SNTB1: variants seen among roughly 807,000 people sequenced by gnomAD.
The protein encoded by SNTB1 is syntrophin beta 1, also known as beta-1-syntrophin.
SNTB1 carries 36 observed loss-of-function variants against 48.9 expected under a neutral mutation model. That is an observed-to-expected ratio of 0.74 (90% confidence interval 0.56 to 0.97). The LOEUF is 0.97. Among genes scored for constraint, SNTB1 ranks in the 50% least tolerant of loss-of-function variants. SNTB1 has a pLI of 0.00. For missense variants in SNTB1, 786 were observed against 703.4 expected (o/e 1.12, Z -1.33); for synonymous variants, 299 against 294.6 (o/e 1.01, Z -0.15).
At chr8:120,633,714 A>G (rs1817022464) in intron 2 of SNTB1, among the ~76,000 whole-genome samples, 1 of 152,198 alleles carries the variant, frequency 6.6e-6, no homozygotes, top group African/African-American at 2.4e-5. Context: ...AGATCTGTAT[A>G]CTGTAATTGT....
chr8:120,637,492 C>T, intron 2 of SNTB1: 1 of 190,178 alleles, frequency 5.3e-6, no homozygotes. Context: ...CAAACATTAT[C>T]AGTTAGTCAA....
At chr8:120,683,279 C>T (rs1257699592) in intron 2 of SNTB1, among the ~76,000 whole-genome samples, 1 of 152,086 alleles carries the variant, frequency 6.6e-6, no homozygotes, top group Non-Finnish European at 1.5e-5. Context: ...TATACACAGC[C>T]GATTACAAGC....
At chr8:120,573,880 C>T (rs1383171102) in intron 4 of SNTB1, among the ~76,000 whole-genome samples, 4 of 152,156 alleles carry the variant, frequency 2.6e-5, no homozygotes, top group South Asian at 2.1e-4. Flanking sequence ...ATCTGTTCTA[C>T]TGGTCTCCGT....
At chr8:120,673,223 C>T (rs938756165) in intron 2 of SNTB1, among the ~76,000 whole-genome samples, 2 of 152,118 alleles carry the variant, frequency 1.3e-5, no homozygotes, top group Non-Finnish European at 2.9e-5. Flanking sequence ...CAATTCTCTG[C>T]TAAAATGCCC....
intron 5 of SNTB1, among the ~76,000 whole-genome samples, chr8:120,548,463 T>C (rs1815419799): frequency 6.6e-6 from 1 of 152,206 alleles, no homozygotes; most frequent in Admixed American, 6.5e-5. Context: ...TACTCATTCA[T>C]GCCTCAAAGT....
chr8:120,650,781 A>G (rs1817400241), intron 2 of SNTB1, among the ~76,000 whole-genome samples: 2 of 152,194 alleles, frequency 1.3e-5, no homozygotes, highest in South Asian at 4.1e-4. Context: ...ATAGAGAGTA[A>G]AGACATTCCA....
At chr8:120,547,317 T>C (rs1000674270) in intron 5 of SNTB1, among the ~76,000 whole-genome samples, 1 of 152,002 alleles carries the variant, frequency 6.6e-6, no homozygotes, top group Admixed American at 6.6e-5. Flanking sequence ...TTTTTCAGGA[T>C]GGGTGAGGTG....
chr8:120,610,590 A>C (rs571859798), intron 3 of SNTB1, among the ~76,000 whole-genome samples: 193 of 152,316 alleles, frequency 1.3e-3, no homozygotes, highest in African/African-American at 4.5e-3. Flanking sequence ...TTTATTAAAA[A>C]GCTTTAAAAC....
chr8:120,668,687 T>G (rs1817712889), intron 2 of SNTB1, among the ~76,000 whole-genome samples: 1 of 152,216 alleles, frequency 6.6e-6, no homozygotes, highest in South Asian at 2.1e-4. Flanking sequence ...GTCTGTATAT[T>G]ATCCATGCTT....
intron 1 of SNTB1, among the ~76,000 whole-genome samples, chr8:120,726,422 C>A (rs1818756421): frequency 6.6e-6 from 1 of 152,094 alleles, no homozygotes; most frequent in Non-Finnish European, 1.5e-5. Context: ...ACAAACTCAA[C>A]CCTCTGTGGA....
At chr8:120,653,514 C>T (rs118110813) in intron 2 of SNTB1, among the ~76,000 whole-genome samples, 1,994 of 152,168 alleles carry the variant, frequency 0.013, 12 homozygotes, top group Non-Finnish European at 0.02. Context: ...CAAAGCTGAG[C>T]GAGGATAAAT....
chr8:120,603,534 G>A (rs539979530), intron 3 of SNTB1, among the ~76,000 whole-genome samples: 1 of 152,186 alleles, frequency 6.6e-6, no homozygotes, highest in Non-Finnish European at 1.5e-5. Flanking sequence ...CTGGGAACTT[G>A]TTAAAAATGC....
At chr8:120,691,020 T>C (rs1162165641) in intron 2 of SNTB1, among the ~76,000 whole-genome samples, 1 of 150,214 alleles carries the variant, frequency 6.7e-6, no homozygotes, top group Non-Finnish European at 1.5e-5. Flanking sequence ...GCCCTATGTA[T>C]AATCGTCAAT....
intron 2 of SNTB1, among the ~76,000 whole-genome samples, chr8:120,674,121 T>C (rs1201417844): frequency 1.3e-5 from 2 of 152,202 alleles, no homozygotes; most frequent in Non-Finnish European, 2.9e-5. Flanking sequence ...TCTTGGGGAA[T>C]ATCCAAGGCA....
At chr8:120,653,738 T>A (rs1244191929) in intron 2 of SNTB1, among the ~76,000 whole-genome samples, 1 of 151,902 alleles carries the variant, frequency 6.6e-6, no homozygotes, top group Non-Finnish European at 1.5e-5. Flanking sequence ...CACTTTGGAG[T>A]TAAAAAGTTG....
At chr8:120,604,698 A>T (rs1331351997) in intron 3 of SNTB1, among the ~76,000 whole-genome samples, 2 of 152,072 alleles carry the variant, frequency 1.3e-5, no homozygotes, top group Admixed American at 1.3e-4. Flanking sequence ...TGATCCACCC[A>T]CCTCGGCCTC....
intron 2 of SNTB1, among the ~76,000 whole-genome samples, chr8:120,654,039 C>CAAAA (rs58873007): frequency 0.021 from 529 of 25,196 alleles, 140 homozygotes; most frequent in African/African-American, 0.037. Context: ...GACTCTGCCT[C>CAAAA]AAAAAAAAAA....
chr8:120,618,482 GTCAC>G (rs1816748730), intron 3 of SNTB1, among the ~76,000 whole-genome samples: 3 of 152,170 alleles, frequency 2.0e-5, no homozygotes, highest in African/African-American at 7.2e-5. Context: ...TGTCTGACGT[GTCAC>G]CATCATAGTC....
At chr8:120,554,412 A>G (rs1428334616) in intron 4 of SNTB1, among the ~76,000 whole-genome samples, 1 of 152,180 alleles carries the variant, frequency 6.6e-6, no homozygotes, top group Non-Finnish European at 1.5e-5. Context: ...GACATCTACA[A>G]TAATCATCCA....
Sources: allele counts gnomAD v4.1 joint callset (sites outside exome capture counted in the v4.1 genomes callset), GRCh38; gene constraint gnomAD v4.1.1; transcripts MANE v1.5; gene names NCBI Gene and HGNC (gene_info 2026-07-23, HGNC 2026-07-21).